NWD1: variants seen among roughly 807,000 people sequenced by gnomAD.
NWD1 encodes the protein NACHT and WD repeat domain containing 1.
In NWD1, 129 loss-of-function variants were observed where a neutral mutation model predicts 135.1. The observed-to-expected ratio is 0.96, with a 90% CI of 0.83 to 1.11. The LOEUF (loss-of-function observed/expected upper bound fraction) is 1.11, where lower values mean the gene tolerates loss of function less well. NWD1 is among the 50% of genes least tolerant of loss of function. NWD1 has a pLI of 0.00. For missense variants in NWD1, 1,740 were observed against 1,851.3 expected (o/e 0.94, Z 1.10); for synonymous variants, 773 against 786.0 (o/e 0.98, Z 0.28).
At chr19:16,809,343 G>T (rs1970851479) in intron 18 of NWD1, among the ~76,000 whole-genome samples, 1 of 151,816 alleles carries the variant, frequency 6.6e-6, no homozygotes, top group Non-Finnish European at 1.5e-5. Context: ...CAAAGTGCTG[G>T]GATTACAGGT....
chr19:16,787,901 AATAATCATCATCATCATC>A (rs1239769956), intron 12 of NWD1, among the ~76,000 whole-genome samples: 52 of 84,324 alleles, frequency 6.2e-4, no homozygotes, highest in African/African-American at 2.6e-3. Context: ...TAATAATAAT[AATAATCATCATCATCATC>A]ATCATCATCA....
intron 3 of NWD1, among the ~76,000 whole-genome samples, chr19:16,736,193 T>TTTCCTTCTTTCCTTCTTTCCTTCC (rs1383779778): frequency 2.0e-3 from 63 of 32,144 alleles, no homozygotes; most frequent in African/African-American, 7.2e-3. Flanking sequence ...TCTTTCCTTC[T>TTTCCTTCTTTCCTTCTTTCCTTCC]TTCCTTCCTT....
chr19:16,770,536 T>C (rs1041286099), intron 10 of NWD1, among the ~76,000 whole-genome samples: 1 of 152,076 alleles, frequency 6.6e-6, no homozygotes, highest in African/African-American at 2.4e-5. Flanking sequence ...ACCACAAATT[T>C]TGAGCCCCAC....
intron 14 of NWD1, among the ~76,000 whole-genome samples, chr19:16,793,098 C>T (rs1263602113): frequency 6.6e-6 from 1 of 151,630 alleles, no homozygotes; most frequent in Non-Finnish European, 1.5e-5. Context: ...GAAGAATCAT[C>T]CCAAATCCCA....
chr19:16,737,964 C>CAAA (rs147713373), intron 4 of NWD1, among the ~76,000 whole-genome samples: 2 of 124,630 alleles, frequency 1.6e-5, no homozygotes, highest in African/African-American at 3.3e-5. Flanking sequence ...GACTCTATCT[C>CAAA]GAAAAGAAAA....
intron 4 of NWD1, among the ~76,000 whole-genome samples, chr19:16,742,707 G>A (rs142114542): frequency 0.018 from 2,662 of 151,922 alleles, 63 homozygotes; most frequent in African/African-American, 0.059. Context: ...TTTCGCTCTT[G>A]TTGCCCAGGC....
chr19:16,751,043 A>G (rs1194937323), intron 6 of NWD1, among the ~76,000 whole-genome samples: 1 of 151,240 alleles, frequency 6.6e-6, no homozygotes, highest in African/African-American at 2.4e-5. Context: ...CAAAACATGG[A>G]GAAACTCTGT....
chr19:16,784,364 C>T (rs1267721270), intron 12 of NWD1, among the ~76,000 whole-genome samples: 1 of 151,868 alleles, frequency 6.6e-6, no homozygotes, highest in Non-Finnish European at 1.5e-5. Context: ...AGACCCGTAT[C>T]TCTAAAAATA....
At chr19:16,732,717 C>T (rs1475834202) in intron 3 of NWD1, among the ~76,000 whole-genome samples, 1 of 148,132 alleles carries the variant, frequency 6.8e-6, no homozygotes, top group East Asian at 2.0e-4. Flanking sequence ...TCACTGCAAC[C>T]TTGAGCTTCT....
Position 16,749,323 on chromosome 19 carries a change from C to G in NWD1, c.681C>G (p.Leu227=). ...DADAQNLLSS[L]KSHITDMHPG... ...ATGCCCAGAACCTTCTCAGCAGCCT[C>G]AAAAGTCACATCACTGACATGCACC... The change falls in exon 6 of 19, where the codon CTC becomes CTG. Residue 227 remains leucine (L), a synonymous_variant. Transcript: ENST00000524140. 1.2e-6 allele frequency: 2 copies of G among 1,613,958 alleles called. No individual in the cohort carries two copies. Among genetic ancestry groups the G allele is most frequent in the African/African-American group, 1.3e-5 (1 of 75,022 alleles).
intron 17 of NWD1, among the ~76,000 whole-genome samples, chr19:16,805,424 G>C (rs1435929302): frequency 6.6e-6 from 1 of 151,962 alleles, no homozygotes; most frequent in Non-Finnish European, 1.5e-5. Context: ...GACCTCCTGG[G>C]CTCAAGCAAT....
chr19:16,736,773 G>T, intron 4 of NWD1, 23 bp downstream of exon 4: 1 of 1,339,058 alleles, frequency 7.5e-7, no homozygotes, highest in Non-Finnish European at 1.0e-6. Flanking sequence ...GGAGGAATGG[G>T]TTAGCTCTTA....
intron 18 of NWD1, chr19:16,812,690 A>G: frequency 1.3e-6 from 1 of 779,276 alleles, no homozygotes; most frequent in Non-Finnish European, 2.4e-6. Flanking sequence ...AAACAAACAA[A>G]CAAACAAACA....
chr19:16,726,851 C>T (rs533987283), intron 2 of NWD1, among the ~76,000 whole-genome samples: 2 of 152,336 alleles, frequency 1.3e-5, no homozygotes, highest in Admixed American at 6.5e-5. Context: ...TCTCCACCCA[C>T]GTGATGCCAG....
At chr19:16,745,039 A>G (rs778476669) in intron 5 of NWD1, 32 of 532,844 alleles carry the variant, frequency 6.0e-5, no homozygotes, top group South Asian at 4.8e-4. Context: ...TGGGTAATTT[A>G]CAAAGGAAAG....
At chr19:16,795,458 G>A (rs1009413110) in intron 15 of NWD1, among the ~76,000 whole-genome samples, 8 of 146,390 alleles carry the variant, frequency 5.5e-5, no homozygotes, top group South Asian at 2.1e-4. Flanking sequence ...GCTCTATTGC[G>A]TAGGCTGTAG....
At chr19:16,778,133 C>T (rs572995154) in intron 11 of NWD1, among the ~76,000 whole-genome samples, 9 of 152,212 alleles carry the variant, frequency 5.9e-5, no homozygotes, top group South Asian at 4.2e-4. Flanking sequence ...CAGAGCTTGA[C>T]GGGCTCTGAT....
At position 16,815,394 on chromosome 19, in the gene NWD1, A is replaced by G; in HGVS notation, c.*355A>G. ...CCAGTGAGTTAGCCCCATTTAATCT[A>G]GTTAAAGCAAAAAGAATACGTTTGC... On this transcript the variant is annotated 3_prime_UTR_variant, in exon 19 of 19. Coordinates refer to ENST00000524140, the MANE Select transcript of NWD1 (RefSeq NM_001007525.5). The G allele has an allele frequency of 3.1e-6, 2 of 638,924 alleles. No homozygotes were observed. The highest frequency in any genetic ancestry group is 3.8e-5 in the South Asian group (2 of 52,408). The allele number at this position is 638,924 out of a possible 1,614,324, so 39.6% of individuals were successfully genotyped here. A position where few individuals can be genotyped will look rare whatever the true frequency, so the allele number is the denominator to read the frequency against.
Position 16,776,484 on chromosome 19 carries a change from C to T in NWD1, c.2609-2859C>T, listed in dbSNP as rs149134976. On this transcript the variant is annotated intron_variant, in intron 11 of 18. Coordinates refer to ENST00000524140, the MANE Select transcript of NWD1 (RefSeq NM_001007525.5). ...TCTGGAGGCTGAGGCAGGAGAATTG[C>T]TTGAAACTGGAAGGCGGAGGTTGCA... Among the ~76,000 whole-genome samples, 20 of 151,600 alleles carry T rather than the reference C, an allele frequency of 1.3e-4. No individual in the cohort carries two copies. In the East Asian group the frequency reaches 3.9e-3, roughly 29 times the overall value.
Sources: gnomAD v4.1 joint callset for allele counts (sites outside exome capture counted in the v4.1 genomes callset) on GRCh38, gnomAD v4.1.1 for gene constraint, MANE v1.5 for transcripts, NCBI Gene and HGNC (gene_info 2026-07-23, HGNC 2026-07-21) for gene names.